The following JAZF1 variants were observed in gnomAD, a reference collection of about 807,000 sequenced individuals.
JAZF1 encodes JAZF zinc finger 1.
Under a neutral mutation model 26.4 loss-of-function variants are expected in JAZF1, and 8 were observed. The observed-to-expected ratio is 0.30, with a 90% CI of 0.18 to 0.55. The LOEUF (loss-of-function observed/expected upper bound fraction) is 0.55, where lower values mean the gene tolerates loss of function less well. JAZF1 is among the 20% of genes least tolerant of loss of function. The pLI is 0.94. For missense variants in JAZF1, 199 were observed against 322.0 expected, an observed-to-expected ratio of 0.62 and a Z score of 2.92; for synonymous variants, 126 against 122.3, an observed-to-expected ratio of 1.03 and a Z score of -0.20.
intron 3 of JAZF1, among the ~76,000 whole-genome samples, chr7:27,869,460 C>T (rs376663403): frequency 5.1e-4 from 77 of 152,218 alleles, no homozygotes; most frequent in African/African-American, 1.7e-3. Flanking sequence ...AGCAGTAGCT[C>T]GACGGCACCA....
At chr7:28,018,907 G>C (rs746513640) in intron 1 of JAZF1, among the ~76,000 whole-genome samples, 1 of 152,204 alleles carries the variant, frequency 6.6e-6, no homozygotes, top group African/African-American at 2.4e-5. Flanking sequence ...GTTGGAGTCT[G>C]TCCTCACTTG....
chr7:27,863,099 A>G (rs891143359), intron 3 of JAZF1, among the ~76,000 whole-genome samples: 1 of 152,172 alleles, frequency 6.6e-6, no homozygotes, highest in African/African-American at 2.4e-5. Context: ...TTCACTACTG[A>G]CATTTCCAAT....
At chr7:28,051,652 C>T (rs1332315480) in intron 1 of JAZF1, among the ~76,000 whole-genome samples, 1 of 152,118 alleles carries the variant, frequency 6.6e-6, no homozygotes, top group African/African-American at 2.4e-5. Flanking sequence ...ACCAAGGCGT[C>T]TCCCCAACAA....
chr7:28,110,209 T>C (rs1784620029), intron 1 of JAZF1, among the ~76,000 whole-genome samples: 1 of 152,052 alleles, frequency 6.6e-6, no homozygotes, highest in Non-Finnish European at 1.5e-5. Context: ...GCAGATCACC[T>C]GAGGTCAGGA....
intron 1 of JAZF1, among the ~76,000 whole-genome samples, chr7:28,168,686 T>C (rs897961066): frequency 9.2e-5 from 14 of 152,176 alleles, no homozygotes; most frequent in Admixed American, 6.5e-5. Flanking sequence ...TCTAACTACA[T>C]AGCTGAGACA....
chr7:27,955,228 T>C (rs1557780), intron 2 of JAZF1, among the ~76,000 whole-genome samples: 47,175 of 152,176 alleles, frequency 0.31, 8,343 homozygotes, highest in Non-Finnish European at 0.4. Flanking sequence ...TGGTCATAAA[T>C]GAAACACATC....
At chr7:27,945,577 G>C (rs1230015425) in intron 2 of JAZF1, among the ~76,000 whole-genome samples, 5 of 152,084 alleles carry the variant, frequency 3.3e-5, no homozygotes, top group Non-Finnish European at 5.9e-5. Context: ...CTCCAGACCA[G>C]CAAGCAACAC....
chr7:28,143,104 C>A (rs1041530978), intron 1 of JAZF1, among the ~76,000 whole-genome samples: 2 of 152,092 alleles, frequency 1.3e-5, no homozygotes, highest in Non-Finnish European at 2.9e-5. Flanking sequence ...TAGGTCCAAC[C>A]CTCTGGGTCT....
At chr7:28,068,827 T>C (rs564733789) in intron 1 of JAZF1, among the ~76,000 whole-genome samples, 3 of 152,332 alleles carry the variant, frequency 2.0e-5, no homozygotes, top group Non-Finnish European at 4.4e-5. Flanking sequence ...CAATTGCCCA[T>C]ACTTTCCCCT....
intron 1 of JAZF1, among the ~76,000 whole-genome samples, chr7:28,066,602 CAAAAA>C (rs911062551): frequency 9.4e-5 from 3 of 31,764 alleles, no homozygotes; most frequent in African/African-American, 3.0e-4. Context: ...GACTCCATCT[CAAAAA>C]AAAAAAAAAA....
chr7:27,972,743 T>A (rs1332808747), intron 2 of JAZF1, among the ~76,000 whole-genome samples: 1 of 152,108 alleles, frequency 6.6e-6, no homozygotes, highest in East Asian at 1.9e-4. Context: ...CGTATCATAG[T>A]ATTTTGCGTT....
intron 2 of JAZF1, among the ~76,000 whole-genome samples, chr7:27,923,123 A>C (rs1446563284): frequency 4.6e-5 from 7 of 152,172 alleles, no homozygotes; most frequent in Non-Finnish European, 1.0e-4. Context: ...TGACATTCTA[A>C]GACCATGCCT....
intron 1 of JAZF1, among the ~76,000 whole-genome samples, chr7:28,155,120 AG>A (rs1455345114): frequency 6.6e-6 from 1 of 152,088 alleles, no homozygotes; most frequent in East Asian, 1.9e-4. Context: ...AATGATTGGG[AG>A]GGGGGATGGA....
intron 1 of JAZF1, among the ~76,000 whole-genome samples, chr7:28,065,665 C>T (rs1783869704): frequency 6.6e-6 from 1 of 151,974 alleles, no homozygotes; most frequent in Admixed American, 6.6e-5. Context: ...AGTAAAATAC[C>T]AAGGGTTAAT....
At chr7:28,153,567 C>G (rs768617966) in intron 1 of JAZF1, among the ~76,000 whole-genome samples, 17 of 152,192 alleles carry the variant, frequency 1.1e-4, no homozygotes, top group Non-Finnish European at 2.2e-4. Context: ...CCATAGCCAT[C>G]TCCATTCTAA....
At chr7:28,089,281 T>C (rs1195221249) in intron 1 of JAZF1, among the ~76,000 whole-genome samples, 1 of 152,168 alleles carries the variant, frequency 6.6e-6, no homozygotes, top group Non-Finnish European at 1.5e-5. Context: ...AGAACTTGCT[T>C]CCTCTCTCTC....
chr7:28,019,425 T>C (rs1361053739), intron 1 of JAZF1, among the ~76,000 whole-genome samples: 11 of 152,086 alleles, frequency 7.2e-5, no homozygotes, highest in Admixed American at 7.2e-4. Flanking sequence ...AATGTTGGGG[T>C]AAACGCGACC....
chr7:27,906,047 C>A (rs542333197), intron 2 of JAZF1, among the ~76,000 whole-genome samples: 1 of 152,146 alleles, frequency 6.6e-6, no homozygotes, highest in African/African-American at 2.4e-5. Context: ...ATTATCATTG[C>A]GAAAAATTCA....
At chr7:28,019,274 C>T (rs972886312) in intron 1 of JAZF1, among the ~76,000 whole-genome samples, 7 of 152,204 alleles carry the variant, frequency 4.6e-5, no homozygotes, top group Admixed American at 4.6e-4. Context: ...TGCCTTGCTT[C>T]CACCTGTCCT....
Sources: gnomAD v4.1 joint callset for allele counts (sites outside exome capture counted in the v4.1 genomes callset) on GRCh38, gnomAD v4.1.1 for gene constraint, MANE v1.5 for transcripts, NCBI Gene and HGNC (gene_info 2026-07-23, HGNC 2026-07-21) for gene names.